RAD51B: variants seen among roughly 807,000 people sequenced by gnomAD.
RAD51B encodes RAD51 paralog B.
In RAD51B, 38 loss-of-function variants were observed where a neutral mutation model predicts 42.2. The ratio of observed to expected loss-of-function variants is 0.90; its 90% CI spans 0.70 to 1.18. The LOEUF is 1.18. Among genes scored for constraint, RAD51B ranks in the 50% most tolerant of loss-of-function variants. The pLI is 0.00. For synonymous variants in RAD51B, 154 were observed against 145.2 expected (o/e 1.06, Z -0.43); for missense variants, 373 against 400.7 (o/e 0.93, Z 0.59).
In RAD51B at chr14:68,388,953, A is replaced by G. The variant is rs537801219; in HGVS notation, c.854-22471A>G. ...CAAGTCGGGAGCCTTCAATGATGTA[A>G]ATTTGTATTTCTCTTCCCATTTTTA... On this transcript the variant is annotated intron_variant, in intron 8 of 10. Transcript: ENST00000471583. 1.2e-3 allele frequency among the ~76,000 whole-genome samples: 178 copies of G among 152,218 alleles called. 1 individual carries two copies. Among genetic ancestry groups the G allele is most frequent in the African/African-American group, 4.1e-3 (170 of 41,528 alleles).
At chr14:68,411,326 C>A in intron 8 of RAD51B, 98 bp from the exon 9 acceptor site, 1 of 967,338 alleles carries the variant, frequency 1.0e-6, no homozygotes, top group Non-Finnish European at 1.6e-6. Flanking sequence ...CCTCCAAGTA[C>A]TCTCTGGACT....
intron 10 of RAD51B, among the ~76,000 whole-genome samples, chr14:68,591,193 T>C (rs1218001165): frequency 6.6e-6 from 1 of 152,062 alleles, no homozygotes; most frequent in Non-Finnish European, 1.5e-5. Flanking sequence ...GGAGAGTGAG[T>C]TGGGTCCCCA....
At position 68,147,536 on chromosome 14, in the gene RAD51B, C is replaced by T. The variant is rs574312313; in HGVS notation, c.757-144348C>T. Among the ~76,000 whole-genome samples, 6 of 152,256 alleles carry T rather than the reference C, an allele frequency of 3.9e-5. No homozygotes were observed. In the South Asian group the frequency reaches 1.2e-3, roughly 32 times the overall value. Reference sequence around the variant, plus strand: ...AGCCTTTTTATACTCTAGTAAACTGCATCTGTCACTAGATTTCATCACCAT... The same window carrying T: ...AGCCTTTTTATACTCTAGTAAACTGTATCTGTCACTAGATTTCATCACCAT... On this transcript the variant is annotated intron_variant, in intron 7 of 10. Coordinates refer to ENST00000471583, the MANE Select transcript of RAD51B (RefSeq NM_133510.4).
chr14:68,431,398 G>A (rs936753224), intron 9 of RAD51B, among the ~76,000 whole-genome samples: 2 of 152,102 alleles, frequency 1.3e-5, no homozygotes, highest in Non-Finnish European at 2.9e-5. Flanking sequence ...TTTTTGGTTG[G>A]TAGGCTATTA....
At chr14:68,035,505 T>C (rs2076108113) in intron 7 of RAD51B, among the ~76,000 whole-genome samples, 1 of 152,216 alleles carries the variant, frequency 6.6e-6, no homozygotes, top group Non-Finnish European at 1.5e-5. Context: ...ATTACTGTTT[T>C]ACAACTTTTA....
At chr14:67,897,724 A>G (rs865866080) in intron 7 of RAD51B, among the ~76,000 whole-genome samples, 5 of 150,950 alleles carry the variant, frequency 3.3e-5, no homozygotes, top group South Asian at 2.1e-4. Context: ...ATCTCAGCTC[A>G]CTGCAACCTC....
At chr14:68,613,648 G>A (rs1595028551), downstream of RAD51B, among the ~76,000 whole-genome samples, 1 of 151,864 alleles carries the variant, frequency 6.6e-6, no homozygotes, top group African/African-American at 2.4e-5. Context: ...TAGAGATGGG[G>A]TTTCACCGTG....
chr14:68,543,495 G>A (rs759239793), intron 10 of RAD51B, among the ~76,000 whole-genome samples: 7 of 152,164 alleles, frequency 4.6e-5, no homozygotes, highest in South Asian at 2.1e-4. Flanking sequence ...AAAATTCTTC[G>A]GTTGGGTACA....
chr14:68,184,005 A>G (rs2079105356), intron 7 of RAD51B, among the ~76,000 whole-genome samples: 1 of 150,266 alleles, frequency 6.7e-6, no homozygotes, highest in African/African-American at 2.5e-5. Context: ...AGGCAGGAGA[A>G]TGGCATGAAC....
intron 7 of RAD51B, among the ~76,000 whole-genome samples, chr14:68,167,780 A>G (rs933336491): frequency 3.3e-5 from 5 of 152,156 alleles, no homozygotes; most frequent in Admixed American, 2.0e-4. Flanking sequence ...AAAGTCATTT[A>G]TTAGAGTTCT....
intron 7 of RAD51B, among the ~76,000 whole-genome samples, chr14:68,157,258 T>C (rs563913495): frequency 2.0e-5 from 3 of 152,274 alleles, no homozygotes; most frequent in Non-Finnish European, 2.9e-5. Context: ...AATATTATTA[T>C]TCATATTAAC....
In RAD51B at chr14:68,075,992, C is replaced by T. The variant is rs34166395; in HGVS notation, c.756+188788C>T. 2.9e-3 allele frequency among the ~76,000 whole-genome samples: 443 copies of T among 152,302 alleles called. 3 individuals are homozygous for T. The highest frequency in any genetic ancestry group is 9.6e-3 in the African/African-American group (401 of 41,574). On this transcript the variant is annotated intron_variant, in intron 7 of 10. Coordinates refer to ENST00000471583, the MANE Select transcript of RAD51B (RefSeq NM_133510.4). ...ACTGACCGAATTGTTCAGGCCAGGC[C>T]GAGAGGCCCTGCCCACTGAGGAGTA... is the stretch of plus-strand genomic sequence containing the variant.
chr14:67,881,096 A>G (rs904479160), intron 5 of RAD51B, among the ~76,000 whole-genome samples: 1 of 152,242 alleles, frequency 6.6e-6, no homozygotes, highest in African/African-American at 2.4e-5. Flanking sequence ...GGCAATTACA[A>G]CACAATGGTA....
intron 10 of RAD51B, chr14:68,540,686 T>C (rs1887916612): frequency 1.0e-6 from 1 of 985,228 alleles, no homozygotes. Context: ...TAATTGAATG[T>C]GAATCTCTCT....
chr14:68,476,605 C>G (rs1882633220), intron 10 of RAD51B, among the ~76,000 whole-genome samples: 1 of 152,210 alleles, frequency 6.6e-6, no homozygotes, highest in South Asian at 2.1e-4. Context: ...GGATAACAGA[C>G]AGCTTAACAG....
At chr14:68,496,472 G>C (rs11158748) in intron 10 of RAD51B, among the ~76,000 whole-genome samples, 79,566 of 152,042 alleles carry the variant, frequency 0.52, 23,567 homozygotes, top group African/African-American at 0.82. Context: ...TAACACTGGG[G>C]TCCACTGTCC....
intron 7 of RAD51B, among the ~76,000 whole-genome samples, chr14:68,252,848 A>G (rs1329735877): frequency 6.6e-6 from 1 of 152,188 alleles, no homozygotes; most frequent in Non-Finnish European, 1.5e-5. Context: ...TGGGAGGCCA[A>G]GGCAGGCAGA....
chr14:68,654,584 G>A (rs986666323), intron 11 of RAD51B, among the ~76,000 whole-genome samples: 5 of 152,210 alleles, frequency 3.3e-5, no homozygotes, highest in Non-Finnish European at 5.9e-5. Context: ...GATGTGGTGC[G>A]TGTGAACAGG....
chr14:68,252,225 A>T (rs768940837), intron 7 of RAD51B, among the ~76,000 whole-genome samples: 32 of 152,184 alleles, frequency 2.1e-4, no homozygotes, highest in Non-Finnish European at 3.8e-4. Context: ...AGCTTTAGAG[A>T]ATGATTACGT....
Sources: gnomAD v4.1 joint callset for allele counts (sites outside exome capture counted in the v4.1 genomes callset) on GRCh38, gnomAD v4.1.1 for gene constraint, MANE v1.5 for transcripts, NCBI Gene and HGNC (gene_info 2026-07-23, HGNC 2026-07-21) for gene names.